HECTD2: variants seen among roughly 807,000 people sequenced by gnomAD.
HECTD2 encodes the protein HECT domain E3 ubiquitin protein ligase 2, also known as probable E3 ubiquitin-protein ligase HECTD2.
HECTD2 carries 35 observed loss-of-function variants against 103.2 expected under a neutral mutation model. The ratio of observed to expected loss-of-function variants is 0.34; its 90% confidence interval spans 0.26 to 0.45. The LOEUF (loss-of-function observed/expected upper bound fraction) is 0.45. Ranked by LOEUF, HECTD2 falls within the 20% of genes least tolerant of loss-of-function variation. HECTD2 has a pLI of 1.00. For synonymous variants in HECTD2, 281 were observed against 329.9 expected, an observed-to-expected ratio of 0.85 and a Z score of 1.61; for missense variants, 596 against 937.4, an observed-to-expected ratio of 0.64 and a Z score of 4.76.
intron 2 of HECTD2, among the ~76,000 whole-genome samples, chr10:91,434,042 G>A (rs1213961287): frequency 6.6e-6 from 1 of 151,874 alleles, no homozygotes; most frequent in Non-Finnish European, 1.5e-5. Flanking sequence ...TTTTATTACA[G>A]TTTTATAAAC....
intron 2 of HECTD2, among the ~76,000 whole-genome samples, chr10:91,456,256 A>T (rs970848579): frequency 3.3e-5 from 5 of 152,138 alleles, no homozygotes; most frequent in African/African-American, 1.2e-4. Context: ...TTCGTTGAGC[A>T]GTGGTTTGTA....
chr10:91,455,179 C>T (rs1329886122), intron 2 of HECTD2, among the ~76,000 whole-genome samples: 2 of 152,176 alleles, frequency 1.3e-5, no homozygotes, highest in Non-Finnish European at 2.9e-5. Context: ...AGTTTACAGT[C>T]CCACAAACAG....
At chr10:91,476,454 GAT>G (rs1845904449) in intron 5 of HECTD2, among the ~76,000 whole-genome samples, 1 of 152,186 alleles carries the variant, frequency 6.6e-6, no homozygotes, top group Non-Finnish European at 1.5e-5. Flanking sequence ...GTTTCTCCCT[GAT>G]GGACTGGGAA....
chr10:91,411,489 G>A (rs1391269868), intron 1 of HECTD2, among the ~76,000 whole-genome samples: 1 of 152,154 alleles, frequency 6.6e-6, no homozygotes, highest in Non-Finnish European at 1.5e-5. Flanking sequence ...AAAGTTTAGT[G>A]AACATTATAC....
chr10:91,492,630 A>G, intron 13 of HECTD2, 146 bp downstream of exon 13: 1 of 668,586 alleles, frequency 1.5e-6, no homozygotes, highest in Admixed American at 3.2e-5. Flanking sequence ...ACTGTTATTT[A>G]CATTTTAAAA....
chr10:91,412,668 ATGTGTGTGTG>A (rs58691011), intron 1 of HECTD2, among the ~76,000 whole-genome samples: 2 of 147,174 alleles, frequency 1.4e-5, no homozygotes, highest in Non-Finnish European at 3.0e-5. Context: ...CTGTGGCAGA[ATGTGTGTGTG>A]TGTGTGTGTG....
chr10:91,503,340 G>A (rs1430148690), intron 20 of HECTD2, among the ~76,000 whole-genome samples: 1 of 152,232 alleles, frequency 6.6e-6, no homozygotes, highest in Non-Finnish European at 1.5e-5. Context: ...GAAGATGGGT[G>A]ATTTCTGCAT....
chr10:91,410,525 A>G lies in HECTD2; in HGVS notation c.87A>G (p.Ser29=), dbSNP rs1360551429. 9 of 1,476,222 alleles carry G rather than the reference A, an allele frequency of 6.1e-6. No individual in the cohort carries two copies. Among genetic ancestry groups the G allele is most frequent in the African/African-American group, 4.4e-5 (3 of 68,670 alleles). The allele number at this position is 1,476,222 out of a possible 1,614,324, so 91.4% of individuals were successfully genotyped here. A position where few individuals can be genotyped will look rare whatever the true frequency, so the allele number is the denominator to read the frequency against. The change falls in exon 1 of 21, where the codon TCA becomes TCG. Residue 29 remains serine (S), a synonymous_variant. Coordinates refer to ENST00000298068, the MANE Select transcript of HECTD2 (RefSeq NM_182765.6). ...PAPEERKGKE[S]EREKLPPIVS... is the part of the protein sequence containing the mutation. Reference sequence around the variant, plus strand: ...CTGAGGAGAGGAAAGGGAAGGAGTCAGAGCGCGAGAAGCTGCCGCCCATCG... The same window carrying G: ...CTGAGGAGAGGAAAGGGAAGGAGTCGGAGCGCGAGAAGCTGCCGCCCATCG...
In HECTD2 at chr10:91,483,371, A is replaced by C. The variant is rs1473018277; in HGVS notation, c.821+295A>C. Among the ~76,000 whole-genome samples, 3 of 152,002 alleles carry C rather than the reference A, an allele frequency of 2.0e-5. No individual in the cohort carries two copies. The East Asian group carries it at 5.8e-4, about 29-fold the overall frequency. On this transcript the variant is annotated intron_variant, in intron 8 of 20. Transcript: ENST00000298068. ...TATTATTGGTTTTTTACGTATCTCA[A>C]AGATGGTGACTGGATTTGCTCAGAC...
chr10:91,412,642 CAATT>C (rs1170151535), intron 1 of HECTD2, among the ~76,000 whole-genome samples: 2 of 141,390 alleles, frequency 1.4e-5, no homozygotes, highest in East Asian at 4.2e-4. Flanking sequence ...AAAAAAAAAA[CAATT>C]TATGACAGGA....
intron 1 of HECTD2, among the ~76,000 whole-genome samples, chr10:91,420,350 C>T (rs1026972505): frequency 1.3e-5 from 2 of 150,882 alleles, no homozygotes; most frequent in Non-Finnish European, 2.9e-5. Flanking sequence ...CTTTGGGAGG[C>T]CGAGGCAGGT....
chr10:91,504,859 G>A (rs1225701542), intron 20 of HECTD2, among the ~76,000 whole-genome samples: 1 of 152,192 alleles, frequency 6.6e-6, no homozygotes, highest in East Asian at 1.9e-4. Context: ...AGGAAAAAAT[G>A]TTAAGGGCAG....
chr10:91,497,126 A>AGT (rs1846700373), intron 15 of HECTD2, among the ~76,000 whole-genome samples: 1 of 97,370 alleles, frequency 1.0e-5, no homozygotes, highest in African/African-American at 5.2e-5. Flanking sequence ...TGCCCGGCAA[A>AGT]TTTTTTTTTT....
chr10:91,413,886 G>T (rs1843018358), intron 1 of HECTD2, among the ~76,000 whole-genome samples: 1 of 152,164 alleles, frequency 6.6e-6, no homozygotes, highest in Admixed American at 6.5e-5. Flanking sequence ...GTGGAGAGGT[G>T]ATGCAAATCC....
intron 4 of HECTD2, 39 bp from the exon 5 acceptor site, chr10:91,462,056 A>G: frequency 7.0e-7 from 1 of 1,421,184 alleles, no homozygotes; most frequent in Non-Finnish European, 9.8e-7. Context: ...ATAGTCTTTA[A>G]AATGTTGAAT....
chr10:91,505,421 G>C (rs972317315), intron 20 of HECTD2, among the ~76,000 whole-genome samples: 6 of 152,082 alleles, frequency 3.9e-5, no homozygotes, highest in African/African-American at 1.4e-4. Flanking sequence ...TAAAGGGATG[G>C]AGGAAGATCT....
chr10:91,499,072 T>G lies in HECTD2; in HGVS notation c.1872T>G (p.Leu624=), dbSNP rs144418321. Residue 624 remains leucine (L), a synonymous_variant, in exon 18 of 21, where the codon CTT becomes CTG. Coordinates refer to ENST00000298068, the MANE Select transcript of HECTD2 (RefSeq NM_182765.6). ...KEYVQLYTDF[L]LNKSIYKQFA... is the part of the protein sequence containing the mutation. The stretch of plus-strand genomic sequence containing the variant: ...ATGTACAGCTTTATACTGACTTCCT[T>G]CTGAACAAATCCATCTATAAGCAGT... 27 of 1,612,624 alleles carry G rather than the reference T, an allele frequency of 1.7e-5. No homozygotes were observed. Among genetic ancestry groups the G allele is most frequent in the African/African-American group, 2.7e-5 (2 of 74,892 alleles).
At chr10:91,468,806 C>T (rs2133230354) in intron 5 of HECTD2, among the ~76,000 whole-genome samples, 1 of 151,986 alleles carries the variant, frequency 6.6e-6, no homozygotes, top group Middle Eastern at 3.4e-3. Flanking sequence ...TGTAGTGGTG[C>T]ATGCTTATAG....
chr10:91,454,700 C>T (rs1334794870), intron 2 of HECTD2, among the ~76,000 whole-genome samples: 1 of 151,988 alleles, frequency 6.6e-6, no homozygotes, highest in African/African-American at 2.4e-5. Context: ...GGTATATCTC[C>T]TAATGCTATC....
Sources: allele counts gnomAD v4.1 joint callset (sites outside exome capture counted in the v4.1 genomes callset), GRCh38; gene constraint gnomAD v4.1.1; transcripts MANE v1.5; gene names NCBI Gene and HGNC (gene_info 2026-07-23, HGNC 2026-07-21).